Variants in USP32 observed in about 807,000 individuals in gnomAD.
USP32 encodes ubiquitin specific peptidase 32.
In USP32, 59 loss-of-function variants were observed where a neutral mutation model predicts 204.8. The observed-to-expected ratio is 0.29, with a 90% confidence interval of 0.23 to 0.36. USP32 has a LOEUF of 0.36. USP32 is among the 10% of genes least tolerant of loss of function. The pLI is 1.00. For synonymous variants in USP32, 517 were observed against 678.4 expected, an observed-to-expected ratio of 0.76 and a Z score of 3.70; for missense variants, 1,160 against 1,946.4, an observed-to-expected ratio of 0.60 and a Z score of 7.60.
rs764021445 is a variant in USP32, at chr17:60,209,552, A to G, written c.2425-9T>C. On this transcript the variant is annotated splice_polypyrimidine_tract_variant and intron_variant, in intron 21 of 33. Coordinates refer to ENST00000300896, the MANE Select transcript of USP32 (RefSeq NM_032582.4). ...TATTTTGCTATGGTCCACTATAAAT[A>G]TAAGAGAAGTCACAGTCATTATTTC... 5.8e-6 allele frequency: 9 copies of G among 1,558,544 alleles called. No homozygotes were observed. Among genetic ancestry groups the G allele is most frequent in the Non-Finnish European group, 4.3e-6 (5 of 1,162,394 alleles).
intron 1 of USP32, among the ~76,000 whole-genome samples, chr17:60,378,941 C>T (rs7207024): frequency 1.3e-5 from 2 of 151,670 alleles, no homozygotes; most frequent in African/African-American, 4.8e-5. Context: ...TATATATTCA[C>T]AATAAAAATA....
intron 1 of USP32, among the ~76,000 whole-genome samples, chr17:60,381,294 T>A (rs2089642344): frequency 6.6e-6 from 1 of 151,918 alleles, no homozygotes; most frequent in African/African-American, 2.4e-5. Context: ...ATAAAAAAAT[T>A]AGCCAGGTGT....
chr17:60,420,158 T>C (rs1389521611), intron 1 of USP32, among the ~76,000 whole-genome samples: 1 of 151,686 alleles, frequency 6.6e-6, no homozygotes, highest in Non-Finnish European at 1.5e-5. Flanking sequence ...TAGTAGAGAC[T>C]AAAAATAGTA....
chr17:60,223,274 T>C (rs2085301009), intron 14 of USP32, 137 bp downstream of exon 14: 2 of 689,078 alleles, frequency 2.9e-6, no homozygotes, highest in Non-Finnish European at 4.8e-6. Context: ...AGAAATGTAC[T>C]ATACAAAGAG....
intron 12 of USP32, chr17:60,231,695 A>G (rs574216617): frequency 2.1e-4 from 93 of 439,530 alleles, no homozygotes; most frequent in African/African-American, 1.7e-3. Context: ...CGTGATAACT[A>G]AATAGGAAAA....
chr17:60,285,536 G>A (rs2087089379), intron 5 of USP32, among the ~76,000 whole-genome samples: 1 of 152,116 alleles, frequency 6.6e-6, no homozygotes, highest in Admixed American at 6.6e-5. Flanking sequence ...GCCCAAGATT[G>A]GAAAGATAGG....
intron 2 of USP32, among the ~76,000 whole-genome samples, chr17:60,306,188 A>G (rs1202809493): frequency 6.6e-6 from 1 of 152,234 alleles, no homozygotes; most frequent in African/African-American, 2.4e-5. Context: ...ATTACTAATT[A>G]GCTTTCATTT....
At chr17:60,393,854 T>C (rs539441665), upstream of USP32, among the ~76,000 whole-genome samples, 1 of 152,098 alleles carries the variant, frequency 6.6e-6, no homozygotes, top group Non-Finnish European at 1.5e-5. Context: ...CTGGCTAATT[T>C]TGTATTTTCA....
rs900539666 is a variant in USP32 at position 60,249,464 on chromosome 17, TG to T, written c.1136+2916del. On this transcript the variant is annotated intron_variant, in intron 11 of 33. Transcript: ENST00000300896. ...TTTGACTGGTCTGTTGTTAGTCTGCTGCTTCCCCTAACCAGTATTTTATCCC... is the reference window on the plus strand; with the variant it reads ...TTTGACTGGTCTGTTGTTAGTCTGCTCTTCCCCTAACCAGTATTTTATCCC... 9.0e-5 allele frequency: 38 copies of T among 422,888 alleles called. 1 individual carries two copies. Among genetic ancestry groups the T allele is most frequent in the African/African-American group, 7.4e-4 (36 of 48,516 alleles). 26.2% of individuals were successfully genotyped at this position (422,888 alleles called of 1,614,324 possible). A position where few individuals can be genotyped will look rare whatever the true frequency, so the allele number is the denominator to read the frequency against.
At position 60,252,358 on chromosome 17, in the gene USP32, T is replaced by C. The variant is rs746287376; in HGVS notation, c.1136+23A>G. ...TTTCAAGTATGTGAAATTTCAACTA[T>C]ATAATTGAAACTACAAATTTACCTA... is the stretch of plus-strand genomic sequence containing the variant. On this transcript the variant is annotated intron_variant, in intron 11 of 33. Transcript: ENST00000300896. 7.6e-6 allele frequency: 12 copies of C among 1,586,840 alleles called. No individual in the cohort carries two copies. The Admixed American group carries it at 2.0e-4, about 27-fold the overall frequency.
At chr17:60,386,283 G>C (rs1224774100) in intron 1 of USP32, among the ~76,000 whole-genome samples, 1 of 151,352 alleles carries the variant, frequency 6.6e-6, no homozygotes, top group Non-Finnish European at 1.5e-5. Flanking sequence ...CATGCTTCCC[G>C]GATACAGTAT....
chr17:60,183,424 T>C lies in USP32; in HGVS notation c.3864A>G (p.Val1288=). 6.2e-7 allele frequency: 1 copy of C among 1,611,888 alleles called. No homozygotes were observed. Among genetic ancestry groups the C allele is most frequent in the South Asian group, 1.1e-5 (1 of 90,940 alleles). Residue 1288 remains valine, a synonymous_variant, in exon 31 of 34, where the codon GTA becomes GTG. Transcript: ENST00000300896. ...LIIHLKRFQF[V]NGRWIKSQKI... Reference sequence around the variant, plus strand: ...TCTGTGATTTTATCCACCGACCATTTACAAATTGAAATCGCTTAAGGTGAA... The same window carrying C: ...TCTGTGATTTTATCCACCGACCATTCACAAATTGAAATCGCTTAAGGTGAA...
chr17:60,306,193 T>G lies in USP32; in HGVS notation c.187-4489A>C, dbSNP rs182921270. On this transcript the variant is annotated intron_variant, in intron 2 of 33. Coordinates refer to ENST00000300896, the MANE Select transcript of USP32 (RefSeq NM_032582.4). ...TGCCACACTCATTACTAATTAGCTTTCATTTTCGGATTTAGAAGACGGAGT... is the reference window on the plus strand; with the variant it reads ...TGCCACACTCATTACTAATTAGCTTGCATTTTCGGATTTAGAAGACGGAGT... Among the ~76,000 whole-genome samples, 31 of 152,338 alleles carry G rather than the reference T, an allele frequency of 2.0e-4. 1 individual carries two copies. The highest frequency in any genetic ancestry group is 2.0e-3 in the Admixed American group (30 of 15,296).
intron 10 of USP32, among the ~76,000 whole-genome samples, 192 bp from the exon 11 acceptor site, chr17:60,252,634 C>T (rs1598145725): frequency 1.3e-5 from 2 of 151,974 alleles, no homozygotes; most frequent in East Asian, 3.9e-4. Context: ...TTTAAACAAG[C>T]CATTCCAATG....
chr17:60,359,075 T>G (rs533006891), intron 1 of USP32, among the ~76,000 whole-genome samples: 34 of 152,170 alleles, frequency 2.2e-4, no homozygotes, highest in Non-Finnish European at 4.3e-4. Context: ...GCCTATGAGC[T>G]CCAATCATAC....
chr17:60,311,431 T>TA (rs1258254020), intron 2 of USP32, among the ~76,000 whole-genome samples: 6 of 152,300 alleles, frequency 3.9e-5, no homozygotes, highest in African/African-American at 1.4e-4. Flanking sequence ...ATAATATGAT[T>TA]AACTCTGAAG....
At chr17:60,351,376 TAATTTGTA>T (rs2088942563) in intron 1 of USP32, among the ~76,000 whole-genome samples, 1 of 152,054 alleles carries the variant, frequency 6.6e-6, no homozygotes. Flanking sequence ...TAGCTATTTT[TAATTTGTA>T]CCTTTAGCTG....
intron 27 of USP32, among the ~76,000 whole-genome samples, chr17:60,197,419 A>G (rs946237235): frequency 5.3e-5 from 8 of 152,106 alleles, no homozygotes; most frequent in African/African-American, 1.9e-4. Context: ...AGCCTGACCA[A>G]CATGAAGAAA....
At chr17:60,326,439 T>C (rs2088241455) in intron 2 of USP32, among the ~76,000 whole-genome samples, 1 of 151,966 alleles carries the variant, frequency 6.6e-6, no homozygotes, top group East Asian at 1.9e-4. Context: ...GCCTCGCAAG[T>C]AGCTGGGATT....
Sources: allele counts gnomAD v4.1 joint callset (sites outside exome capture counted in the v4.1 genomes callset), GRCh38; gene constraint gnomAD v4.1.1; transcripts MANE v1.5; gene names NCBI Gene and HGNC (gene_info 2026-07-23, HGNC 2026-07-21).